Variants in GHR observed in about 807,000 individuals in gnomAD.
GHR encodes the protein growth hormone receptor, also known as GH receptor.
Under a neutral mutation model 67.1 loss-of-function variants are expected in GHR, and 35 were observed. The observed-to-expected ratio is 0.52, with a 90% CI of 0.40 to 0.69. The LOEUF is 0.69. GHR is among the 30% of genes least tolerant of loss of function. GHR has a pLI of 0.00. For missense variants in GHR, 792 were observed against 764.6 expected (o/e 1.04, Z -0.42); for synonymous variants, 272 against 269.1 (o/e 1.01, Z -0.10).
chr5:42,557,743 G>A (rs1053677285), intron 1 of GHR, among the ~76,000 whole-genome samples: 2 of 152,076 alleles, frequency 1.3e-5, no homozygotes, highest in Non-Finnish European at 2.9e-5. Context: ...CTCCTGACCT[G>A]GGAAAATATC....
intron 1 of GHR, among the ~76,000 whole-genome samples, chr5:42,534,114 ATATG>A (rs1268755522): frequency 1.3e-5 from 2 of 148,416 alleles, no homozygotes; most frequent in Admixed American, 1.4e-4. Flanking sequence ...ACGTATGTAT[ATATG>A]TATGTATATA....
At chr5:42,520,052 C>G (rs1169690170) in intron 1 of GHR, among the ~76,000 whole-genome samples, 1 of 152,054 alleles carries the variant, frequency 6.6e-6, no homozygotes, top group African/African-American at 2.4e-5. Context: ...TGATACACAA[C>G]AAAATAATTA....
chr5:42,713,781 C>T (rs1758586578), intron 8 of GHR: 1 of 396,114 alleles, frequency 2.5e-6, no homozygotes, highest in South Asian at 2.4e-5. Flanking sequence ...ACTATGCATA[C>T]CTTGTGATAT....
intron 2 of GHR, among the ~76,000 whole-genome samples, chr5:42,611,231 T>A (rs752489681): frequency 5.3e-5 from 8 of 152,110 alleles, no homozygotes; most frequent in Non-Finnish European, 1.0e-4. Flanking sequence ...TACTGGCTCA[T>A]GAGTGTAATG....
chr5:42,706,323 T>C (rs1424358198), intron 6 of GHR, among the ~76,000 whole-genome samples: 1 of 152,168 alleles, frequency 6.6e-6, no homozygotes, highest in Non-Finnish European at 1.5e-5. Context: ...TTTGCAAATA[T>C]TTTCAGCCAT....
rs1294606823 is a variant in GHR, at chr5:42,629,046, G to A, written c.79G>A (p.Ala27Thr). Residue 27 changes from alanine to threonine, a missense_variant, in exon 3 of 10, where the codon GCT (alanine) becomes ACT (threonine). Transcript: ENST00000230882. The stretch of plus-strand genomic sequence containing the variant: ...TTCTCTTTCTGTTTCAGCCACAGCA[G>A]CTATCCTTAGCAGAGCACCCTGGAG... Reference protein sequence around the residue: ...DAFSGSEATAAILSRAPWSLQ... With the variant: ...DAFSGSEATATILSRAPWSLQ... 4.3e-6 allele frequency: 6 copies of A among 1,392,828 alleles called. 1 individual carries two copies. Among genetic ancestry groups the A allele is most frequent in the South Asian group, 3.6e-5 (3 of 82,416 alleles). 86.3% of individuals were successfully genotyped at this position (1,392,828 alleles called of 1,614,324 possible).
chr5:42,505,003 C>T (rs1579832148), intron 1 of GHR, among the ~76,000 whole-genome samples: 1 of 152,264 alleles, frequency 6.6e-6, no homozygotes, highest in East Asian at 1.9e-4. Context: ...AACAAAGTCA[C>T]ATGTACCAGT....
intron 1 of GHR, among the ~76,000 whole-genome samples, chr5:42,493,472 A>G (rs1746199455): frequency 6.6e-6 from 1 of 152,148 alleles, no homozygotes; most frequent in African/African-American, 2.4e-5. Flanking sequence ...TACATGAGCT[A>G]CACAGTTTCA....
intron 1 of GHR, among the ~76,000 whole-genome samples, chr5:42,432,412 G>A (rs1354697269): frequency 1.3e-5 from 2 of 152,176 alleles, no homozygotes; most frequent in Non-Finnish European, 2.9e-5. Flanking sequence ...ATGATGGCTG[G>A]TGAGAAACCT....
intron 3 of GHR, among the ~76,000 whole-genome samples, chr5:42,645,140 T>G (rs532677080): frequency 6.6e-6 from 1 of 152,328 alleles, no homozygotes; most frequent in Non-Finnish European, 1.5e-5. Flanking sequence ...TGTGCTGAAG[T>G]ATGTGGTCAT....
intron 1 of GHR, chr5:42,466,841 G>T: frequency 1.5e-6 from 2 of 1,309,148 alleles, no homozygotes; most frequent in African/African-American, 1.5e-5. Context: ...CATTTGGGAG[G>T]CAGAAGGTTA....
At chr5:42,643,131 T>C (rs550288498) in intron 3 of GHR, among the ~76,000 whole-genome samples, 3 of 152,240 alleles carry the variant, frequency 2.0e-5, no homozygotes, top group African/African-American at 7.2e-5. Flanking sequence ...CCATTACACA[T>C]ATGCATTGAA....
At chr5:42,703,849 A>T (rs1014537205) in intron 6 of GHR, among the ~76,000 whole-genome samples, 1 of 151,592 alleles carries the variant, frequency 6.6e-6, no homozygotes, top group African/African-American at 2.4e-5. Flanking sequence ...ATTGTTCCTT[A>T]TTAGTGTATA....
intron 1 of GHR, among the ~76,000 whole-genome samples, chr5:42,505,057 T>C (rs1656048726): frequency 6.6e-6 from 1 of 151,832 alleles, no homozygotes; most frequent in African/African-American, 2.4e-5. Context: ...AGATTTTAAC[T>C]ACGTGCCTCT....
At chr5:42,639,122 G>T (rs1458422057) in intron 3 of GHR, among the ~76,000 whole-genome samples, 1 of 152,042 alleles carries the variant, frequency 6.6e-6, no homozygotes, top group Non-Finnish European at 1.5e-5. Flanking sequence ...GGATGGAAAG[G>T]GCAATTATTT....
At chr5:42,438,990 A>T (rs1350430066) in intron 1 of GHR, among the ~76,000 whole-genome samples, 4 of 152,224 alleles carry the variant, frequency 2.6e-5, no homozygotes, top group Non-Finnish European at 5.9e-5. Flanking sequence ...GGTCATTTTT[A>T]AAAAAGAAAT....
intron 3 of GHR, chr5:42,647,682 G>A (rs1754812505): frequency 2.2e-6 from 1 of 449,148 alleles, no homozygotes. Flanking sequence ...ATGCAGAGTA[G>A]AGAAGCTCAC....
intron 1 of GHR, among the ~76,000 whole-genome samples, chr5:42,553,259 G>A (rs1749130566): frequency 6.6e-6 from 1 of 152,184 alleles, no homozygotes; most frequent in African/African-American, 2.4e-5. Flanking sequence ...AGTGTTGTTA[G>A]GGCCTCTAGG....
At chr5:42,565,362 T>C in intron 1 of GHR, 1 of 665,632 alleles carries the variant, frequency 1.5e-6, no homozygotes, top group Non-Finnish European at 1.9e-6. Context: ...GATGGCTCAT[T>C]AGCAACTCGT....
Sources: gnomAD v4.1 joint callset for allele counts (sites outside exome capture counted in the v4.1 genomes callset) on GRCh38, gnomAD v4.1.1 for gene constraint, MANE v1.5 for transcripts, NCBI Gene and HGNC (gene_info 2026-07-23, HGNC 2026-07-21) for gene names.